The following AATF variants were observed in gnomAD, a reference collection of about 807,000 sequenced individuals.
AATF encodes the protein protein AATF.
A neutral mutation model predicts 63.7 loss-of-function variants in AATF; 48 were observed. The ratio of observed to expected loss-of-function variants is 0.75; its 90% CI spans 0.60 to 0.96. The LOEUF is 0.96. Ranked by LOEUF, AATF falls within the 40% of genes least tolerant of loss-of-function variation. The probability of loss-of-function intolerance (pLI) is 0.00; values close to 1 mark genes in which losing one functional copy is unlikely to be tolerated. For missense variants in AATF, 639 were observed against 685.7 expected (o/e 0.93, Z 0.76); for synonymous variants, 258 against 247.7 (o/e 1.04, Z -0.39).
At chr17:37,054,816 T>C (rs17139069) in intron 11 of AATF, 48,027 of 152,154 alleles carry the variant, frequency 0.32, 10,906 homozygotes, top group African/African-American at 0.65. Flanking sequence ...CAGACGTTGT[T>C]GTCCTAAAGT....
At chr17:36,999,197 G>C (rs1054528265) in intron 8 of AATF, 1 of 152,114 alleles carries the variant, frequency 6.6e-6, no homozygotes, top group Admixed American at 6.6e-5. Context: ...AGGTAGAAGA[G>C]GGTTCATTTT....
At chr17:37,035,112 A>G (rs1428565111) in intron 11 of AATF, among the ~76,000 whole-genome samples, 1 of 151,654 alleles carries the variant, frequency 6.6e-6, no homozygotes, top group African/African-American at 2.4e-5. Flanking sequence ...CGACAGAATG[A>G]GACTCCATTT....
chr17:36,950,112 C>A (rs2070841424), intron 1 of AATF, 102 bp from the exon 2 acceptor site: 13 of 1,305,874 alleles, frequency 1.0e-5, no homozygotes, highest in South Asian at 2.8e-5. Context: ...GTGGGGATTT[C>A]GTAAAGGACG....
At chr17:36,967,821 C>G (rs1013692046) in intron 4 of AATF, among the ~76,000 whole-genome samples, 2 of 149,084 alleles carry the variant, frequency 1.3e-5, no homozygotes, top group African/African-American at 4.9e-5. Flanking sequence ...TCTAAAGTTG[C>G]AATTGGTAAG....
At chr17:37,048,965 G>A (rs917340646) in intron 11 of AATF, among the ~76,000 whole-genome samples, 2 of 152,170 alleles carry the variant, frequency 1.3e-5, no homozygotes, top group Non-Finnish European at 2.9e-5. Flanking sequence ...ATGCACACAG[G>A]TCCTCAGCAT....
intron 8 of AATF, among the ~76,000 whole-genome samples, chr17:37,009,178 C>T (rs1369371536): frequency 6.6e-6 from 1 of 152,086 alleles, no homozygotes; most frequent in East Asian, 1.9e-4. Flanking sequence ...GTTGCCCAGG[C>T]TGGAGTGCAG....
At chr17:36,987,466 T>TA (rs1387348233) in intron 5 of AATF, among the ~76,000 whole-genome samples, 5 of 152,224 alleles carry the variant, frequency 3.3e-5, no homozygotes, top group African/African-American at 4.8e-5. Flanking sequence ...CTGAAATTAT[T>TA]ACATTTGATG....
intron 8 of AATF, among the ~76,000 whole-genome samples, chr17:37,016,139 T>C (rs980714790): frequency 6.6e-6 from 1 of 152,176 alleles, no homozygotes; most frequent in Non-Finnish European, 1.5e-5. Flanking sequence ...AACTTCTCCA[T>C]CTCCTTACTG....
At chr17:36,992,741 C>A (rs2142254130) in intron 8 of AATF, among the ~76,000 whole-genome samples, 1 of 151,914 alleles carries the variant, frequency 6.6e-6, no homozygotes, top group Non-Finnish European at 1.5e-5. Flanking sequence ...CTAGTCACAT[C>A]TTAGCTTTTC....
chr17:36,951,826 T>C (rs543930996), intron 2 of AATF, among the ~76,000 whole-genome samples: 1 of 152,376 alleles, frequency 6.6e-6, no homozygotes, highest in South Asian at 2.1e-4. Flanking sequence ...AGTTTATATA[T>C]ACCTTTTTAA....
chr17:37,056,841 A>C lies in AATF; in HGVS notation c.*177A>C. 1.6e-6 allele frequency: 1 copy of C among 616,780 alleles called. No homozygotes were observed. The highest frequency in any genetic ancestry group is 2.0e-5 in the South Asian group (1 of 49,220). The allele number at this position is 616,780 out of a possible 1,614,324, so 38.2% of individuals were successfully genotyped here. On this transcript the variant is annotated 3_prime_UTR_variant, in exon 12 of 12. Coordinates refer to ENST00000619387, the MANE Select transcript of AATF (RefSeq NM_012138.4). ...CTGTCCCGCCCAACCCCGCCTTTAA[A>C]CGCCACAAATAAAGAGCATTGTTAC...
chr17:37,004,312 C>G (rs1025406961), intron 8 of AATF, among the ~76,000 whole-genome samples: 8 of 151,658 alleles, frequency 5.3e-5, no homozygotes, highest in African/African-American at 1.9e-4. Context: ...GCCTAGGCAA[C>G]AAGAGCTAAA....
chr17:37,027,614 A>T (rs878888331), intron 10 of AATF, among the ~76,000 whole-genome samples: 3 of 152,222 alleles, frequency 2.0e-5, no homozygotes, highest in East Asian at 1.9e-4. Context: ...AAAGAAAAAG[A>T]TGAACTTAAT....
At chr17:37,021,938 T>C (rs968815343) in intron 10 of AATF, among the ~76,000 whole-genome samples, 2 of 152,108 alleles carry the variant, frequency 1.3e-5, no homozygotes, top group Non-Finnish European at 2.9e-5. Context: ...ACAGGGAATG[T>C]TAACAAAGTT....
At chr17:36,991,654 C>T (rs993606095) in intron 8 of AATF, among the ~76,000 whole-genome samples, 7 of 150,416 alleles carry the variant, frequency 4.7e-5, no homozygotes, top group Admixed American at 1.3e-4. Flanking sequence ...GGCGCAATCT[C>T]GGCTCACTGC....
chr17:37,019,869 C>G (rs114421283), intron 9 of AATF, among the ~76,000 whole-genome samples: 1 of 152,166 alleles, frequency 6.6e-6, no homozygotes, highest in South Asian at 2.1e-4. Flanking sequence ...GAGAGCTGTT[C>G]GCTATAAATT....
intron 4 of AATF, among the ~76,000 whole-genome samples, chr17:36,975,975 T>C (rs966025896): frequency 3.9e-5 from 6 of 152,252 alleles, no homozygotes; most frequent in Non-Finnish European, 7.3e-5. Context: ...TCAGCAAGTA[T>C]TGCTTTATCT....
chr17:36,989,448 A>T, intron 7 of AATF, 37 bp downstream of exon 7: 1 of 1,546,560 alleles, frequency 6.5e-7, no homozygotes, highest in Non-Finnish European at 8.8e-7. Context: ...TATGGGGAAT[A>T]GTTTCTATGA....
At chr17:36,996,351 C>T (rs1298519160) in intron 8 of AATF, among the ~76,000 whole-genome samples, 2 of 152,186 alleles carry the variant, frequency 1.3e-5, no homozygotes, top group Admixed American at 6.5e-5. Flanking sequence ...GGAAAATCAT[C>T]TGAGACCAGG....
Sources: allele counts gnomAD v4.1 joint callset (sites outside exome capture counted in the v4.1 genomes callset), GRCh38; gene constraint gnomAD v4.1.1; transcripts MANE v1.5; gene names NCBI Gene and HGNC (gene_info 2026-07-23, HGNC 2026-07-21).